PITPNB: variants seen among roughly 807,000 people sequenced by gnomAD.
PITPNB encodes phosphatidylinositol transfer protein beta isoform.
A neutral mutation model predicts 45.9 loss-of-function variants in PITPNB; 16 were observed. The ratio of observed to expected loss-of-function variants is 0.35; its 90% confidence interval spans 0.24 to 0.53. PITPNB has a LOEUF of 0.53. Among genes scored for constraint, PITPNB ranks in the 20% least tolerant of loss-of-function variants. The pLI, the probability that PITPNB is intolerant of heterozygous loss-of-function variation, is 0.93. For synonymous variants in PITPNB, 112 were observed against 108.9 expected (o/e 1.03, Z -0.18); for missense variants, 188 against 330.5 (o/e 0.57, Z 3.34).
intron 8 of PITPNB, among the ~76,000 whole-genome samples, chr22:27,868,287 CA>C (rs1934542969): frequency 6.6e-6 from 1 of 152,178 alleles, no homozygotes; most frequent in Non-Finnish European, 1.5e-5. Context: ...GCTTTCCTGC[CA>C]CTCTCTATCT....
Position 27,886,403 on chromosome 22 carries a change from C to T in PITPNB, c.456+8152G>A, listed in dbSNP as rs942007314. On this transcript the variant is annotated intron_variant, in intron 7 of 11. Coordinates refer to ENST00000335272, the MANE Select transcript of PITPNB (RefSeq NM_012399.5). The stretch of plus-strand genomic sequence containing the variant: ...TACATATGATTTTTGTAGCAAACTA[C>T]TCTGTGACCCTAGGTCACACTGACA... Among the ~76,000 whole-genome samples the T allele has an allele frequency of 9.8e-5, 15 of 152,336 alleles. No individual in the cohort carries two copies. The South Asian group carries it at 2.1e-3, about 21-fold the overall frequency.
chr22:27,906,999 TA>T lies in PITPNB; in HGVS notation c.197+3964del, dbSNP rs139931264. ...ATCCAGAGACTTGAGTTATACTGGCTAAAGTAGATCTCAGAATTTCAAGTAT... is the reference window on the plus strand; with the variant it reads ...ATCCAGAGACTTGAGTTATACTGGCTAAGTAGATCTCAGAATTTCAAGTAT... On this transcript the variant is annotated intron_variant, in intron 3 of 11. Transcript: ENST00000335272. Among the ~76,000 whole-genome samples, 1,028 of 152,318 alleles carry T rather than the reference TA, an allele frequency of 6.7e-3. 7 individuals carry two copies. The highest frequency in any genetic ancestry group is 0.022 in the African/African-American group (933 of 41,556).
intron 8 of PITPNB, among the ~76,000 whole-genome samples, chr22:27,870,306 ACC>A (rs1491183338): frequency 6.6e-6 from 1 of 152,360 alleles, no homozygotes; most frequent in South Asian, 2.1e-4. Context: ...AAGTTTCTTT[ACC>A]CCTAGTCAGT....
chr22:27,865,827 C>T (rs530086197), intron 8 of PITPNB, among the ~76,000 whole-genome samples: 1 of 152,210 alleles, frequency 6.6e-6, no homozygotes, highest in East Asian at 1.9e-4. Context: ...ACATAACAAA[C>T]CTTCACATGT....
chr22:27,882,644 G>C (rs1025819803), intron 7 of PITPNB, among the ~76,000 whole-genome samples: 1 of 152,188 alleles, frequency 6.6e-6, no homozygotes, highest in Admixed American at 6.5e-5. Flanking sequence ...TAAAATGTCT[G>C]TTCATTTAGT....
intron 9 of PITPNB, 78 bp downstream of exon 9, chr22:27,860,053 A>T: frequency 2.5e-6 from 2 of 792,432 alleles, no homozygotes; most frequent in Non-Finnish European, 4.3e-6. Context: ...AAAAAGTAAT[A>T]ACAGAGAAGA....
At chr22:27,877,064 G>C (rs1396191399) in intron 7 of PITPNB, among the ~76,000 whole-genome samples, 3 of 152,032 alleles carry the variant, frequency 2.0e-5, no homozygotes, top group African/African-American at 4.8e-5. Context: ...TAATCCTTGG[G>C]GAAAAAAGAG....
At chr22:27,883,963 G>C (rs569233745) in intron 7 of PITPNB, among the ~76,000 whole-genome samples, 59 of 152,372 alleles carry the variant, frequency 3.9e-4, no homozygotes, top group African/African-American at 1.4e-3. Flanking sequence ...CCACTTGGGA[G>C]TGCCTGTGTC....
intron 1 of PITPNB, among the ~76,000 whole-genome samples, chr22:27,917,143 T>A (rs542148058): frequency 4.6e-5 from 7 of 152,356 alleles, no homozygotes; most frequent in African/African-American, 1.7e-4. Context: ...TAATTAGACT[T>A]TGGGCACGTG....
intron 1 of PITPNB, among the ~76,000 whole-genome samples, chr22:27,917,917 G>A (rs1299444354): frequency 6.6e-6 from 1 of 152,210 alleles, no homozygotes; most frequent in African/African-American, 2.4e-5. Context: ...GATTCCCTGA[G>A]AAGGTGACGT....
Position 27,853,384 on chromosome 22 carries a change from A to G in PITPNB, c.*318T>C. 1 of 477,212 alleles carries G rather than the reference A, an allele frequency of 2.1e-6. No individual in the cohort carries two copies. The highest frequency in any genetic ancestry group is 3.7e-6 in the Non-Finnish European group (1 of 270,520). The allele number at this position is 477,212 out of a possible 1,614,324, so 29.6% of individuals were successfully genotyped here. ...TTTTGCATTCTTGCTGAAGATAGGTACAGTACTTTGGAGAAATTGTACTAA... is the reference window on the plus strand; with the variant it reads ...TTTTGCATTCTTGCTGAAGATAGGTGCAGTACTTTGGAGAAATTGTACTAA... On this transcript the variant is annotated 3_prime_UTR_variant, in exon 12 of 12. Transcript: ENST00000335272.
chr22:27,855,361 TA>T, intron 10 of PITPNB, among the ~76,000 whole-genome samples: 1 of 152,086 alleles, frequency 6.6e-6, no homozygotes, highest in South Asian at 2.1e-4. Context: ...TGGAGTCCTT[TA>T]AAGGAAGTTT....
chr22:27,857,190 A>C (rs1008783402), intron 10 of PITPNB, among the ~76,000 whole-genome samples: 2 of 152,158 alleles, frequency 1.3e-5, no homozygotes, highest in African/African-American at 4.8e-5. Context: ...ACCAAACCCT[A>C]ATTTATAACA....
intron 7 of PITPNB, among the ~76,000 whole-genome samples, chr22:27,874,801 T>C (rs1280831362): frequency 1.3e-5 from 2 of 152,238 alleles, no homozygotes; most frequent in East Asian, 3.9e-4. Context: ...CTTTCCTTCT[T>C]GAGCAGACTT....
chr22:27,873,604 T>C, intron 8 of PITPNB, 134 bp downstream of exon 8: 1 of 625,302 alleles, frequency 1.6e-6, no homozygotes, highest in South Asian at 1.9e-5. Context: ...TGGCTGTAAG[T>C]CCTTATCGCA....
chr22:27,866,222 G>C (rs1396139697), intron 8 of PITPNB, among the ~76,000 whole-genome samples: 1 of 152,236 alleles, frequency 6.6e-6, no homozygotes, highest in Non-Finnish European at 1.5e-5. Context: ...CTGTAATACA[G>C]TAAGCACTAG....
At position 27,865,984 on chromosome 22, in the gene PITPNB, T is replaced by G. The variant is rs143846874; in HGVS notation, c.535-5743A>C. Among the ~76,000 whole-genome samples, 1,035 of 152,298 alleles carry G rather than the reference T, an allele frequency of 6.8e-3. 7 individuals carry two copies. The highest frequency in any genetic ancestry group is 0.023 in the African/African-American group (940 of 41,554). On this transcript the variant is annotated intron_variant, in intron 8 of 11. Coordinates refer to ENST00000335272, the MANE Select transcript of PITPNB (RefSeq NM_012399.5). ...CTCCAATCCAGCCCAAACCTAACAT[T>G]TTCCTCCTCTAAGGCAAAACAGTTA...
rs563504412 is a variant in PITPNB, at chr22:27,864,438, T to A, written c.535-4197A>T. Reference sequence around the variant, plus strand: ...AATAAAAAGTCTTAAAAGCTGTTCATATCCTACCCTGTACCCTGTAACCTG... The same window carrying A: ...AATAAAAAGTCTTAAAAGCTGTTCAAATCCTACCCTGTACCCTGTAACCTG... On this transcript the variant is annotated intron_variant, in intron 8 of 11. Transcript: ENST00000335272. 5.3e-5 allele frequency among the ~76,000 whole-genome samples: 8 copies of A among 152,322 alleles called. No homozygotes were observed. In the South Asian group the frequency reaches 8.3e-4, roughly 16 times the overall value.
chr22:27,884,739 T>G (rs1342702563), intron 7 of PITPNB, among the ~76,000 whole-genome samples: 1 of 152,230 alleles, frequency 6.6e-6, no homozygotes, highest in African/African-American at 2.4e-5. Flanking sequence ...CATTTCAATA[T>G]TAAATGGATC....
Sources: allele counts gnomAD v4.1 joint callset (sites outside exome capture counted in the v4.1 genomes callset), GRCh38; gene constraint gnomAD v4.1.1; transcripts MANE v1.5; gene names NCBI Gene and HGNC (gene_info 2026-07-23, HGNC 2026-07-21).